GNG2: variants seen among roughly 807,000 people sequenced by gnomAD.
GNG2 encodes guanine nucleotide-binding protein G(I)/G(S)/G(O) subunit gamma-2.
A neutral mutation model predicts 5.5 loss-of-function variants in GNG2; 5 were observed. The ratio of observed to expected loss-of-function variants is 0.91; its 90% CI spans 0.48 to 1.92. GNG2 has a LOEUF of 1.92. Ranked by LOEUF, GNG2 falls within the 30% of genes most tolerant of loss-of-function variation. The probability of loss-of-function intolerance (pLI) is 0.01; values close to 1 mark genes in which losing one functional copy is unlikely to be tolerated. For synonymous variants in GNG2, 28 were observed against 32.0 expected (o/e 0.88, Z 0.42); for missense variants, 55 against 88.4 (o/e 0.62, Z 1.52).
At chr14:51,867,459 A>G (rs1160198300) in intron 1 of GNG2, among the ~76,000 whole-genome samples, 1 of 152,224 alleles carries the variant, frequency 6.6e-6, no homozygotes, top group Non-Finnish European at 1.5e-5. Flanking sequence ...CACCCCATTT[A>G]TCATTACCTC....
chr14:51,902,898 AAAAATAAAAT>A (rs1218523328), intron 2 of GNG2, among the ~76,000 whole-genome samples: 3 of 150,120 alleles, frequency 2.0e-5, no homozygotes, highest in Non-Finnish European at 4.4e-5. Context: ...AAAAAGAAGG[AAAAATAAAAT>A]AAAATCCAAT....
chr14:51,891,017 G>A (rs767395075), intron 2 of GNG2, among the ~76,000 whole-genome samples: 4 of 152,186 alleles, frequency 2.6e-5, no homozygotes, highest in Non-Finnish European at 4.4e-5. Context: ...ATAACTTTCA[G>A]TCTCTAAGTG....
chr14:51,942,680 C>T (rs1888414692), intron 2 of GNG2, among the ~76,000 whole-genome samples: 1 of 148,756 alleles, frequency 6.7e-6, no homozygotes, highest in Admixed American at 6.8e-5. Context: ...CTTCTCAGCG[C>T]CCCCAAGTAG....
chr14:51,919,227 T>C (rs1317006710), intron 2 of GNG2, among the ~76,000 whole-genome samples: 2 of 152,340 alleles, frequency 1.3e-5, no homozygotes, highest in Non-Finnish European at 2.9e-5. Context: ...ATTCACACTT[T>C]GCTTTATTTC....
At chr14:51,907,717 C>T (rs1214385628) in intron 2 of GNG2, among the ~76,000 whole-genome samples, 2 of 152,140 alleles carry the variant, frequency 1.3e-5, no homozygotes, top group African/African-American at 4.8e-5. Context: ...GGTTTGATAA[C>T]CAAATTTGAT....
chr14:51,852,542 C>T (rs72678115), intron 2 of GNG2, among the ~76,000 whole-genome samples: 3,422 of 152,248 alleles, frequency 0.022, 80 homozygotes, highest in Non-Finnish European at 0.03. Flanking sequence ...GGTAATTTGT[C>T]GGGGCAGGGG....
At chr14:51,938,521 G>A (rs912926066) in intron 2 of GNG2, among the ~76,000 whole-genome samples, 1 of 152,158 alleles carries the variant, frequency 6.6e-6, no homozygotes, top group Non-Finnish European at 1.5e-5. Context: ...CTTTAAGGCT[G>A]AGCAACTGAG....
chr14:51,902,749 C>T (rs1468409846), intron 2 of GNG2, among the ~76,000 whole-genome samples: 5 of 151,932 alleles, frequency 3.3e-5, no homozygotes, highest in Non-Finnish European at 7.4e-5. Flanking sequence ...AAAAATTAGC[C>T]GGGCAGTGCA....
intron 1 of GNG2, among the ~76,000 whole-genome samples, chr14:51,876,054 C>T (rs1233926328): frequency 6.6e-6 from 1 of 151,246 alleles, no homozygotes; most frequent in Non-Finnish European, 1.5e-5. Flanking sequence ...CCTCCCACCT[C>T]AGCCTTCCAA....
At chr14:51,930,573 G>A (rs1481159555) in intron 2 of GNG2, among the ~76,000 whole-genome samples, 1 of 152,176 alleles carries the variant, frequency 6.6e-6, no homozygotes, top group Non-Finnish European at 1.5e-5. Context: ...TGCCTTAGAA[G>A]TGTCTCTCCA....
At chr14:51,931,255 G>T (rs1432642840) in intron 2 of GNG2, among the ~76,000 whole-genome samples, 1 of 152,198 alleles carries the variant, frequency 6.6e-6, no homozygotes, top group Non-Finnish European at 1.5e-5. Flanking sequence ...TTGGAGGTGA[G>T]ATGTGAAGCA....
chr14:51,827,728 C>G (rs767315463), exon 2 of GNG2: 25 of 702,082 alleles, frequency 3.6e-5, no homozygotes, highest in Non-Finnish European at 6.0e-5. Flanking sequence ...CCAACCTGTG[C>G]CTCTGGTCTA....
At chr14:51,949,507 G>T (rs912611784) in intron 2 of GNG2, among the ~76,000 whole-genome samples, 2 of 152,154 alleles carry the variant, frequency 1.3e-5, no homozygotes, top group Non-Finnish European at 2.9e-5. Context: ...TTGGTAAAAA[G>T]ATTGTCCAAA....
chr14:51,947,805 C>T (rs141100328), intron 2 of GNG2, among the ~76,000 whole-genome samples: 341 of 152,372 alleles, frequency 2.2e-3, no homozygotes, highest in Middle Eastern at 0.014. Flanking sequence ...GAGACACAGA[C>T]TTTCCTTGAT....
chr14:51,843,386 A>C (rs8015138), intron 2 of GNG2, among the ~76,000 whole-genome samples: 58,218 of 151,784 alleles, frequency 0.38, 12,698 homozygotes, highest in Non-Finnish European at 0.5. Flanking sequence ...ATGAGAACAC[A>C]TGGACACAGG....
At chr14:51,827,910 G>C (rs1361443584) in intron 2 of GNG2, 14 of 602,024 alleles carry the variant, frequency 2.3e-5, no homozygotes, top group Non-Finnish European at 3.5e-5. Flanking sequence ...CTTGGAGAGA[G>C]AGTCTGAGAG....
chr14:51,863,974 A>G (rs1882697065), intron 1 of GNG2, among the ~76,000 whole-genome samples: 1 of 152,208 alleles, frequency 6.6e-6, no homozygotes, highest in Non-Finnish European at 1.5e-5. Flanking sequence ...TGCTATGAAC[A>G]CGGGTGTACA....
At chr14:51,884,113 A>G (rs1884284453) in intron 2 of GNG2, among the ~76,000 whole-genome samples, 1 of 152,204 alleles carries the variant, frequency 6.6e-6, no homozygotes, top group South Asian at 2.1e-4. Context: ...TGTATCAAAA[A>G]GGTGAATATA....
intron 2 of GNG2, among the ~76,000 whole-genome samples, chr14:51,939,477 G>C (rs979870166): frequency 6.6e-6 from 1 of 152,200 alleles, no homozygotes; most frequent in Non-Finnish European, 1.5e-5. Context: ...CATTTCAAAT[G>C]ATGGCTTCTG....
Sources: allele counts gnomAD v4.1 joint callset (sites outside exome capture counted in the v4.1 genomes callset), GRCh38; gene constraint gnomAD v4.1.1; transcripts MANE v1.5; gene names NCBI Gene and HGNC (gene_info 2026-07-23, HGNC 2026-07-21).